The following ARHGAP35 variants were observed in gnomAD, a reference collection of about 807,000 sequenced individuals.
ARHGAP35 encodes Rho GTPase activating protein 35.
A neutral mutation model predicts 111.1 loss-of-function variants in ARHGAP35; 15 were observed. The ratio of observed to expected loss-of-function variants is 0.13; its 90% CI spans 0.09 to 0.21. The LOEUF is 0.21. Among genes scored for constraint, ARHGAP35 ranks in the 10% least tolerant of loss-of-function variants. The probability of loss-of-function intolerance (pLI) is 1.00; values close to 1 mark genes in which losing one functional copy is unlikely to be tolerated. For missense variants in ARHGAP35, 1,262 were observed against 1,873.0 expected (o/e 0.67, Z 6.02); for synonymous variants, 643 against 710.3 (o/e 0.91, Z 1.51).
chr19:46,939,682 G>A (rs1186455474), intron 3 of ARHGAP35, among the ~76,000 whole-genome samples: 2 of 151,906 alleles, frequency 1.3e-5, no homozygotes, highest in Non-Finnish European at 2.9e-5. Flanking sequence ...CAAAGTGCTG[G>A]GATTACAGGC....
intron 3 of ARHGAP35, among the ~76,000 whole-genome samples, chr19:46,940,086 A>G (rs1329866567): frequency 6.6e-6 from 1 of 151,752 alleles, no homozygotes; most frequent in East Asian, 1.9e-4. Flanking sequence ...AATACAAAAA[A>G]TTAGGCCGGG....
Position 47,004,790 on chromosome 19 carries a change from T to G in ARHGAP35, c.*4102T>G, listed in dbSNP as rs1482279220. On this transcript the variant is annotated 3_prime_UTR_variant, in exon 7 of 7. Transcript: ENST00000672722. ...AATTATTTCTTTGTATTTTAGGGGC[T>G]TTAACCGGAACATCGTCTAGCTGGT... 1 of 152,274 alleles carries G rather than the reference T, an allele frequency of 6.6e-6. No individual in the cohort carries two copies. The highest frequency in any genetic ancestry group is 2.4e-5 in the African/African-American group (1 of 41,464). The allele number at this position is 152,274 out of a possible 1,614,324, so 9.4% of individuals were successfully genotyped here. A position where few individuals can be genotyped will look rare whatever the true frequency, so the allele number is the denominator to read the frequency against.
At position 46,986,098 on chromosome 19, in the gene ARHGAP35, C is replaced by A. The variant is rs191160731; in HGVS notation, c.3827-1891C>A. On this transcript the variant is annotated intron_variant, in intron 3 of 6. Transcript: ENST00000672722. The surrounding 1 kb of genome is among the most constrained non-coding windows in gnomAD (Gnocchi z 4.3). ...CTGTGCACCTTCAGCAAGACAGAGTCGCTCAAAGCCAGTCTTCAGAAGGGA... is the reference window on the plus strand; with the variant it reads ...CTGTGCACCTTCAGCAAGACAGAGTAGCTCAAAGCCAGTCTTCAGAAGGGA... Among the ~76,000 whole-genome samples, 181 of 152,274 alleles carry A rather than the reference C, an allele frequency of 1.2e-3. No individual in the cohort carries two copies. The highest frequency in any genetic ancestry group is 4.1e-3 in the African/African-American group (172 of 41,556).
intron 3 of ARHGAP35, among the ~76,000 whole-genome samples, chr19:46,987,729 T>C (rs1290633131): frequency 6.6e-6 from 1 of 152,232 alleles, no homozygotes; most frequent in African/African-American, 2.4e-5. Context: ...ACAGAAGTTA[T>C]CTTTAGCTGC....
At chr19:46,898,752 C>A (rs1323344865) in intron 1 of ARHGAP35, among the ~76,000 whole-genome samples, 3 of 152,054 alleles carry the variant, frequency 2.0e-5, no homozygotes, top group Non-Finnish European at 2.9e-5. Context: ...GGGCTAGAAC[C>A]CAGGAGCCTC....
intron 1 of ARHGAP35, among the ~76,000 whole-genome samples, chr19:46,879,523 G>A (rs1208888408): frequency 6.6e-6 from 1 of 151,562 alleles, no homozygotes; most frequent in East Asian, 1.9e-4. Context: ...GGAGGAAGAG[G>A]TTGCAGTGAG....
At chr19:46,982,205 G>T (rs184473738) in intron 3 of ARHGAP35, among the ~76,000 whole-genome samples, 1 of 152,020 alleles carries the variant, frequency 6.6e-6, no homozygotes. Flanking sequence ...AGCCGGGTGC[G>T]GTGGCTCATG....
intron 1 of ARHGAP35, among the ~76,000 whole-genome samples, chr19:46,909,038 G>A (rs1461388037): frequency 5.3e-5 from 8 of 151,518 alleles, no homozygotes; most frequent in Admixed American, 4.6e-4. Context: ...TGTGGCTCAC[G>A]CCTGTAATCC....
At chr19:46,954,625 G>T (rs1489400537) in intron 3 of ARHGAP35, among the ~76,000 whole-genome samples, 1 of 152,340 alleles carries the variant, frequency 6.6e-6, no homozygotes, top group South Asian at 2.1e-4. Context: ...GATGGTGCAA[G>T]GCCTTGTGAT....
At chr19:46,877,700 A>C (rs2055933324) in intron 1 of ARHGAP35, among the ~76,000 whole-genome samples, 1 of 152,016 alleles carries the variant, frequency 6.6e-6, no homozygotes, top group Non-Finnish European at 1.5e-5. Flanking sequence ...AAATTTAAAT[A>C]TTTTATTAAT....
chr19:46,920,619 G>C lies in ARHGAP35; in HGVS notation c.1944G>C (p.Val648=). The change falls in exon 2 of 7, where the codon GTG becomes GTC. Residue 648 remains valine, a synonymous_variant. Coordinates refer to ENST00000672722, the MANE Select transcript of ARHGAP35 (RefSeq NM_004491.5). The surrounding 1 kb of genome is among the most constrained non-coding windows in gnomAD (Gnocchi z 7.0). ...RPIEGNVRLP[V]NSFQTPTFQP... ...TAGAGGGGAATGTCAGGCTTCCTGT[G>C]AACTCTTTCCAGACGCCAACATTTC... The C allele has an allele frequency of 6.2e-7, 1 of 1,614,002 alleles. No individual in the cohort carries two copies. The highest frequency in any genetic ancestry group is 1.1e-5 in the South Asian group (1 of 91,086).
chr19:46,907,121 ATAT>A (rs1226515074), intron 1 of ARHGAP35, among the ~76,000 whole-genome samples: 2 of 152,192 alleles, frequency 1.3e-5, no homozygotes, highest in Non-Finnish European at 2.9e-5. Context: ...TTAATAAAAA[ATAT>A]TAATAATAAG....
At chr19:46,895,354 CG>C (rs1386685693) in intron 1 of ARHGAP35, among the ~76,000 whole-genome samples, 3 of 152,018 alleles carry the variant, frequency 2.0e-5, no homozygotes, top group South Asian at 2.1e-4. Context: ...TTAGTAGAGG[CG>C]GGGTTTCACC....
rs1304320167 is a variant in ARHGAP35 at position 46,960,893 on chromosome 19, C to CT, written c.3826+23501dup. Among the ~76,000 whole-genome samples the CT allele has an allele frequency of 5.5e-3, 734 of 132,436 alleles. 1 individual carries two copies. The highest frequency in any genetic ancestry group is 7.9e-3 in the Middle Eastern group (2 of 254). 86.9% of individuals were successfully genotyped at this position (132,436 alleles called of 152,430 possible). ...ACTTGACTGGAGAGTATTTCTTTGG[C>CT]TTTTTTTTTTTTTTTTCAGAGACGA... On this transcript the variant is annotated intron_variant, in intron 3 of 6. Coordinates refer to ENST00000672722, the MANE Select transcript of ARHGAP35 (RefSeq NM_004491.5).
chr19:46,899,385 T>A (rs2056072974), intron 1 of ARHGAP35, among the ~76,000 whole-genome samples: 1 of 152,136 alleles, frequency 6.6e-6, no homozygotes, highest in Non-Finnish European at 1.5e-5. Context: ...GAGATTGTGG[T>A]AGTAAAAGCT....
At chr19:46,903,869 A>G (rs1599808590) in intron 1 of ARHGAP35, among the ~76,000 whole-genome samples, 1 of 152,144 alleles carries the variant, frequency 6.6e-6, no homozygotes, top group East Asian at 1.9e-4. Flanking sequence ...GGGCTCCCCA[A>G]CAGGATATGT....
At position 46,989,500 on chromosome 19, in the gene ARHGAP35, C is replaced by G. The variant is rs749828455; in HGVS notation, c.3905-44C>G. On this transcript the variant is annotated intron_variant, in intron 4 of 6. Transcript: ENST00000672722. The surrounding 1 kb of genome is among the most constrained non-coding windows in gnomAD (Gnocchi z 5.3). Reference sequence around the variant, plus strand: ...CCCCGAGTTGTCCTGATGCTTCTGCCTGGCTTAGAATGGTTTGGCCTCACT... The same window carrying G: ...CCCCGAGTTGTCCTGATGCTTCTGCGTGGCTTAGAATGGTTTGGCCTCACT... 6.2e-7 allele frequency: 1 copy of G among 1,610,914 alleles called. No individual in the cohort carries two copies. Among genetic ancestry groups the G allele is most frequent in the Non-Finnish European group, 8.5e-7 (1 of 1,177,932 alleles).
chr19:46,977,107 G>A (rs999465992), intron 3 of ARHGAP35, among the ~76,000 whole-genome samples: 1 of 152,232 alleles, frequency 6.6e-6, no homozygotes, highest in Non-Finnish European at 1.5e-5. Flanking sequence ...GATAAAAGGC[G>A]ACAGAGCAGC....
Position 46,956,636 on chromosome 19 carries a change from C to G in ARHGAP35, c.3826+19228C>G, listed in dbSNP as rs1289870085. ...TATGCAAATATTCCAAATTCTGAAACACTTCTGGTCCCAACTATTTTGGTT... is the reference window on the plus strand; with the variant it reads ...TATGCAAATATTCCAAATTCTGAAAGACTTCTGGTCCCAACTATTTTGGTT... On this transcript the variant is annotated intron_variant, in intron 3 of 6. Coordinates refer to ENST00000672722, the MANE Select transcript of ARHGAP35 (RefSeq NM_004491.5). 5.9e-5 allele frequency among the ~76,000 whole-genome samples: 9 copies of G among 152,070 alleles called. 1 individual carries two copies. Among genetic ancestry groups the G allele is most frequent in the African/African-American group, 9.7e-5 (4 of 41,386 alleles).
Sources: gnomAD v4.1 joint callset for allele counts (sites outside exome capture counted in the v4.1 genomes callset) on GRCh38, gnomAD v4.1.1 for gene constraint, Gnocchi (gnomAD v3.1) non-coding constraint, MANE v1.5 for transcripts, NCBI Gene and HGNC (gene_info 2026-07-23, HGNC 2026-07-21) for gene names.